Variants in ITPRID1 observed in about 807,000 individuals in gnomAD.
The protein encoded by ITPRID1 is ITPR interacting domain containing 1.
A neutral mutation model predicts 95.4 loss-of-function variants in ITPRID1; 96 were observed. That is an observed-to-expected ratio of 1.01 (90% CI 0.85 to 1.19). ITPRID1 has a LOEUF of 1.19. ITPRID1 is among the 50% of genes most tolerant of loss of function. The probability of loss-of-function intolerance (pLI) is 0.00; values close to 1 mark genes in which losing one functional copy is unlikely to be tolerated. For synonymous variants in ITPRID1, 510 were observed against 453.6 expected (o/e 1.12, Z -1.58); for missense variants, 1,339 against 1,252.9 (o/e 1.07, Z -1.04).
At chr7:31,642,457 A>C (rs1790109031) in intron 11 of ITPRID1, among the ~76,000 whole-genome samples, 199 bp downstream of exon 11, 2 of 152,234 alleles carry the variant, frequency 1.3e-5, no homozygotes, top group African/African-American at 4.8e-5. Context: ...ATATTAGACA[A>C]GGTGCCGGAA....
intron 10 of ITPRID1, among the ~76,000 whole-genome samples, chr7:31,641,490 A>G (rs1047625381): frequency 5.9e-5 from 9 of 152,150 alleles, no homozygotes; most frequent in Non-Finnish European, 1.0e-4. Flanking sequence ...AAAAAAATCC[A>G]TAATTTAATC....
Position 31,643,498 on chromosome 7 carries a change from AC to A in ITPRID1, c.2131del (p.Gln711ArgfsTer25), listed in dbSNP as rs760618906. 30 of 1,613,738 alleles carry A rather than the reference AC, an allele frequency of 1.9e-5. No individual in the cohort carries two copies. Among genetic ancestry groups the A allele is most frequent in the Non-Finnish European group, 2.5e-5 (30 of 1,179,786 alleles). The stretch of plus-strand genomic sequence containing the variant: ...TACTGGCAGCTCCAGGTCTGTAATG[AC>A]CCAGATGTCCTCCAGCCTGGTGTCG... ...LNTGSSRSVM[T>X]QMSSSLVSAA... is the part of the protein sequence containing the mutation. On this transcript the variant is annotated frameshift_variant, in exon 12 of 15. Transcript: ENST00000615280. LOFTEE classifies it high-confidence loss of function.
intron 10 of ITPRID1, among the ~76,000 whole-genome samples, chr7:31,622,245 C>G (rs917780191): frequency 6.7e-6 from 1 of 148,682 alleles, no homozygotes; most frequent in Admixed American, 6.8e-5. Flanking sequence ...CAGCTCTGCA[C>G]CAAGCGGACC....
At chr7:31,568,083 G>A (rs374873577) in intron 5 of ITPRID1, among the ~76,000 whole-genome samples, 23 of 149,918 alleles carry the variant, frequency 1.5e-4, no homozygotes, top group African/African-American at 5.2e-4. Flanking sequence ...CTGAAATCAC[G>A]ACACTGCACT....
intron 1 of ITPRID1, among the ~76,000 whole-genome samples, chr7:31,544,549 C>G (rs1290640967): frequency 1.3e-5 from 2 of 151,998 alleles, no homozygotes; most frequent in Non-Finnish European, 2.9e-5. Context: ...TTCCAAGAAG[C>G]TTTTTTTATA....
At chr7:31,568,039 T>C (rs1156892613) in intron 5 of ITPRID1, among the ~76,000 whole-genome samples, 1 of 151,258 alleles carries the variant, frequency 6.6e-6, no homozygotes, top group African/African-American at 2.4e-5. Flanking sequence ...GGCACGAGAA[T>C]CACTTGAACT....
At chr7:31,657,044 C>G (rs1791336397), downstream of ITPRID1, among the ~76,000 whole-genome samples, 1 of 102,278 alleles carries the variant, frequency 9.8e-6, no homozygotes, top group Non-Finnish European at 2.0e-5. Context: ...TGTGTATACA[C>G]ACACACACAC....
intron 10 of ITPRID1, among the ~76,000 whole-genome samples, chr7:31,622,601 C>G (rs989279147): frequency 1.3e-5 from 2 of 151,736 alleles, no homozygotes; most frequent in African/African-American, 4.8e-5. Flanking sequence ...GGGACACATT[C>G]AAAGCACTGT....
Position 31,643,290 on chromosome 7 carries a change from A to G in ITPRID1, c.1920A>G (p.Ser640=). 6.2e-7 allele frequency: 1 copy of G among 1,613,812 alleles called. No homozygotes were observed. Among genetic ancestry groups the G allele is most frequent in the Non-Finnish European group, 8.5e-7 (1 of 1,179,866 alleles). Residue 640 remains serine (S), a synonymous_variant, in exon 12 of 15, where the codon TCA becomes TCG. Transcript: ENST00000615280. ...GCTTACTCGTACCAGAAAGCTCATCACAGTGTATCCCCAAGCACAGTGAAA... is the reference window on the plus strand; with the variant it reads ...GCTTACTCGTACCAGAAAGCTCATCGCAGTGTATCCCCAAGCACAGTGAAA... ...NHSLLVPESS[S]QCIPKHSEIT...
At chr7:31,632,846 G>T (rs1223218795) in intron 10 of ITPRID1, among the ~76,000 whole-genome samples, 2 of 152,066 alleles carry the variant, frequency 1.3e-5, no homozygotes, top group Non-Finnish European at 2.9e-5. Context: ...CTGATTTAAA[G>T]GGTCTGGGGA....
rs766861601 is a variant in ITPRID1, at chr7:31,643,930, A to G, written c.2560A>G (p.Thr854Ala). The part of the protein sequence containing the change: ...FMTTLKALQD[T>A]TVRELCSCTV... The stretch of plus-strand genomic sequence containing the variant: ...GACGACTTTGAAAGCCCTTCAGGAC[A>G]CTACAGTGAGGGAGCTATGTTCCGT... The change falls in exon 12 of 15, where the codon ACT becomes GCT. Residue 854 changes from threonine (T) to alanine (A), a missense_variant. Physicochemically the swap from Thr to Ala is moderately conservative, Grantham distance 58. Coordinates refer to ENST00000615280, the MANE Select transcript of ITPRID1 (RefSeq NM_001257967.3). 6.2e-7 allele frequency: 1 copy of G among 1,612,522 alleles called. No individual in the cohort carries two copies. Among genetic ancestry groups the G allele is most frequent in the Non-Finnish European group, 8.5e-7 (1 of 1,179,418 alleles).
intron 10 of ITPRID1, among the ~76,000 whole-genome samples, chr7:31,628,266 C>T (rs1788658899): frequency 6.6e-6 from 1 of 152,054 alleles, no homozygotes; most frequent in Admixed American, 6.6e-5. Flanking sequence ...CAAGAGAAAG[C>T]CTGGAGCACA....
chr7:31,565,025 T>C (rs1000584991), intron 5 of ITPRID1, among the ~76,000 whole-genome samples: 18 of 152,066 alleles, frequency 1.2e-4, no homozygotes, highest in African/African-American at 4.3e-4. Context: ...AAATTTACCT[T>C]ACAAATTAAC....
rs189156503 is a variant in ITPRID1 at position 31,557,782 on chromosome 7, G to T, written c.256+2881G>T. ...TAACTTGACAAAAGCCACCCAGTTAGTAGGTATTGGAGTTGAGATTTTCAG... is the reference window on the plus strand; with the variant it reads ...TAACTTGACAAAAGCCACCCAGTTATTAGGTATTGGAGTTGAGATTTTCAG... On this transcript the variant is annotated intron_variant, in intron 5 of 14. Coordinates refer to ENST00000615280, the MANE Select transcript of ITPRID1 (RefSeq NM_001257967.3). 7.2e-5 allele frequency among the ~76,000 whole-genome samples: 11 copies of T among 152,288 alleles called. No homozygotes were observed. The East Asian group carries it at 1.2e-3, about 16-fold the overall frequency.
chr7:31,519,102 G>A (rs997941224), intron 1 of ITPRID1, among the ~76,000 whole-genome samples: 3 of 152,136 alleles, frequency 2.0e-5, no homozygotes, highest in Non-Finnish European at 2.9e-5. Flanking sequence ...ATTGTATCCT[G>A]CAGCGTGCTC....
At chr7:31,603,962 G>A (rs1786507882) in intron 10 of ITPRID1, among the ~76,000 whole-genome samples, 1 of 152,190 alleles carries the variant, frequency 6.6e-6, no homozygotes, top group African/African-American at 2.4e-5. Flanking sequence ...TAGTGCTCCT[G>A]TAAATGTTGT....
At chr7:31,550,493 C>T (rs905829795) in intron 2 of ITPRID1, among the ~76,000 whole-genome samples, 3 of 152,122 alleles carry the variant, frequency 2.0e-5, no homozygotes, top group Non-Finnish European at 4.4e-5. Flanking sequence ...CCTGTCTATC[C>T]ACTGAGCAAT....
Position 31,560,961 on chromosome 7 carries a change from A to G in ITPRID1, c.256+6060A>G, listed in dbSNP as rs755466167. On this transcript the variant is annotated intron_variant, in intron 5 of 14. Coordinates refer to ENST00000615280, the MANE Select transcript of ITPRID1 (RefSeq NM_001257967.3). ...GCCAGGAAGATGTGAAGGACCAGCA[A>G]AGGAGAAGAGGTAGGTAATGAGGTA... Among the ~76,000 whole-genome samples the G allele has an allele frequency of 4.4e-4, 67 of 152,066 alleles. 1 individual carries two copies. The highest frequency in any genetic ancestry group is 1.8e-4 in the Non-Finnish European group (12 of 67,998).
intron 10 of ITPRID1, among the ~76,000 whole-genome samples, chr7:31,633,076 A>G (rs983950337): frequency 2.0e-5 from 3 of 151,912 alleles, no homozygotes; most frequent in African/African-American, 4.8e-5. Flanking sequence ...TAGTAAAGAC[A>G]GGGTTTCACC....
Sources: gnomAD v4.1 joint callset for allele counts (sites outside exome capture counted in the v4.1 genomes callset) on GRCh38, gnomAD v4.1.1 for gene constraint, MANE v1.5 for transcripts, NCBI Gene and HGNC (gene_info 2026-07-23, HGNC 2026-07-21) for gene names.